SPMIP2: variants seen among roughly 807,000 people sequenced by gnomAD.
SPMIP2 encodes protein SPMIP2.
chr4:159,012,310 GA>G, the SPMIP2 span, among the ~76,000 whole-genome samples: 2 of 152,112 alleles, frequency 1.3e-5, no homozygotes, highest in Admixed American at 6.6e-5. Flanking sequence ...GCTATGTGAA[GA>G]AATATATTCC....
At chr4:159,058,524 A>G in the SPMIP2 span, among the ~76,000 whole-genome samples, 2 of 152,176 alleles carry the variant, frequency 1.3e-5, no homozygotes, top group Non-Finnish European at 2.9e-5. Context: ...AAACATTCAC[A>G]TTATACTTTT....
the SPMIP2 span, among the ~76,000 whole-genome samples, chr4:158,998,897 G>A: frequency 1.2e-3 from 187 of 152,176 alleles, no homozygotes; most frequent in Non-Finnish European, 1.9e-3. Context: ...GAGGCCAGGC[G>A]TGGTGGCTCA....
chr4:158,986,842 G>C, the SPMIP2 span, among the ~76,000 whole-genome samples: 46 of 146,586 alleles, frequency 3.1e-4, no homozygotes, highest in African/African-American at 1.1e-3. Flanking sequence ...GAGCGAACAG[G>C]CAACCTACAA....
At chr4:158,893,502 CAATATT>C in the SPMIP2 span, 2 of 528,250 alleles carry the variant, frequency 3.8e-6, no homozygotes, top group Non-Finnish European at 6.9e-6. Context: ...TTTCATGAAA[CAATATT>C]AATGGTTGCA....
At chr4:158,943,860 T>TTTTTTTC in the SPMIP2 span, among the ~76,000 whole-genome samples, 49 of 133,924 alleles carry the variant, frequency 3.7e-4, no homozygotes, top group African/African-American at 1.3e-3. Context: ...GACATTTTCT[T>TTTTTTTC]TTTTTTTTTT....
At chr4:158,993,054 T>G in the SPMIP2 span, among the ~76,000 whole-genome samples, 1 of 151,992 alleles carries the variant, frequency 6.6e-6, no homozygotes, top group Non-Finnish European at 1.5e-5. Context: ...GTCCAGTCAG[T>G]CCAACAAACT....
chr4:158,992,890 C>G, the SPMIP2 span, among the ~76,000 whole-genome samples: 1 of 152,230 alleles, frequency 6.6e-6, no homozygotes, highest in Admixed American at 6.5e-5. Flanking sequence ...TTACTCCTAG[C>G]ACATTGGCCG....
chr4:158,962,930 T>G, the SPMIP2 span, among the ~76,000 whole-genome samples: 1 of 152,228 alleles, frequency 6.6e-6, no homozygotes, highest in Non-Finnish European at 1.5e-5. Flanking sequence ...ATAGATGGGT[T>G]TAGAGTACCA....
chr4:159,058,124 G>A, the SPMIP2 span, among the ~76,000 whole-genome samples: 1 of 144,414 alleles, frequency 6.9e-6, no homozygotes, highest in Non-Finnish European at 1.5e-5. Flanking sequence ...CTCCTAAAAT[G>A]CTGGGATTAT....
At chr4:159,011,239 C>T in the SPMIP2 span, among the ~76,000 whole-genome samples, 111,612 of 152,138 alleles carry the variant, frequency 0.73, 41,365 homozygotes, top group East Asian at 0.97. Flanking sequence ...TCTTAGGGAA[C>T]ATATAGAATG....
the SPMIP2 span, among the ~76,000 whole-genome samples, chr4:159,062,422 A>G: frequency 6.6e-6 from 1 of 152,304 alleles, no homozygotes; most frequent in South Asian, 2.1e-4. Flanking sequence ...AAAAGATTTA[A>G]CTATGCCCCC....
chr4:159,004,348 T>G, the SPMIP2 span, among the ~76,000 whole-genome samples: 4 of 134,306 alleles, frequency 3.0e-5, no homozygotes, highest in Non-Finnish European at 4.6e-5. Flanking sequence ...TGGAGTGCAG[T>G]GGTGCGATCT....
the SPMIP2 span, among the ~76,000 whole-genome samples, chr4:158,924,068 T>A: frequency 6.6e-6 from 1 of 152,104 alleles, no homozygotes; most frequent in South Asian, 2.1e-4. Flanking sequence ...CATATGCACA[T>A]AGAAAAACCA....
At chr4:159,035,644 C>T in the SPMIP2 span, among the ~76,000 whole-genome samples, 11 of 152,206 alleles carry the variant, frequency 7.2e-5, no homozygotes, top group East Asian at 1.5e-3. Flanking sequence ...ATATTCCAAT[C>T]CCTCCTTAAA....
chr4:159,023,236 C>T, the SPMIP2 span, among the ~76,000 whole-genome samples: 5 of 151,968 alleles, frequency 3.3e-5, no homozygotes, highest in Admixed American at 3.3e-4. Flanking sequence ...CCGTCTCACC[C>T]ATGTGAGTGA....
chr4:158,956,282 C>G, the SPMIP2 span, among the ~76,000 whole-genome samples: 1 of 152,210 alleles, frequency 6.6e-6, no homozygotes, highest in Non-Finnish European at 1.5e-5. Flanking sequence ...TGTCCAAGCC[C>G]TAGCTGGGTG....
chr4:158,966,930 A>G, the SPMIP2 span, among the ~76,000 whole-genome samples: 1 of 152,204 alleles, frequency 6.6e-6, no homozygotes, highest in African/African-American at 2.4e-5. Flanking sequence ...TGCTTAGTTG[A>G]GAGGCCAGGT....
the SPMIP2 span, among the ~76,000 whole-genome samples, chr4:158,990,386 C>A: frequency 2.0e-5 from 3 of 152,240 alleles, no homozygotes; most frequent in East Asian, 5.8e-4. Flanking sequence ...GGTATATCCC[C>A]AAAGGATTAT....
the SPMIP2 span, among the ~76,000 whole-genome samples, chr4:159,008,242 G>A: frequency 2.6e-5 from 4 of 152,176 alleles, no homozygotes; most frequent in Admixed American, 6.5e-5. Context: ...CTGTAAGGTG[G>A]AGGATAACAT....
Sources: allele counts gnomAD v4.1 joint callset (sites outside exome capture counted in the v4.1 genomes callset), GRCh38; gene constraint gnomAD v4.1.1; transcripts MANE v1.5; gene names NCBI Gene and HGNC (gene_info 2026-07-23, HGNC 2026-07-21).